GNGT1: variants seen among roughly 807,000 people sequenced by gnomAD.
GNGT1 encodes G protein subunit gamma transducin 1.
In GNGT1, 4 loss-of-function variants were observed where a neutral mutation model predicts 7.4. The ratio of observed to expected loss-of-function variants is 0.54; its 90% CI spans 0.27 to 1.24. The LOEUF is 1.24. Among genes scored for constraint, GNGT1 ranks in the 50% most tolerant of loss-of-function variants. The probability of loss-of-function intolerance (pLI) is 0.12; values close to 1 mark genes in which losing one functional copy is unlikely to be tolerated. For synonymous variants in GNGT1, 37 were observed against 30.2 expected, an observed-to-expected ratio of 1.23 and a Z score of -0.74; for missense variants, 95 against 82.4, an observed-to-expected ratio of 1.15 and a Z score of -0.59.
intron 2 of GNGT1, among the ~76,000 whole-genome samples, chr7:93,908,287 C>T (rs1794407910): frequency 6.6e-6 from 1 of 152,046 alleles, no homozygotes; most frequent in African/African-American, 2.4e-5. Context: ...TACATGTACC[C>T]TCTTAGTCTC....
chr7:93,907,014 G>A (rs567394402), intron 2 of GNGT1, among the ~76,000 whole-genome samples, 172 bp downstream of exon 2: 6,454 of 151,986 alleles, frequency 0.042, no homozygotes, highest in Middle Eastern at 0.082. Context: ...TCTTGATTTA[G>A]ATTCTAAATC....
intron 2 of GNGT1, among the ~76,000 whole-genome samples, chr7:93,909,228 T>C (rs745860362): frequency 1.1e-4 from 17 of 152,200 alleles, no homozygotes; most frequent in Non-Finnish European, 2.1e-4. Flanking sequence ...ACTATTTGAT[T>C]GTGCATCTTC....
intron 2 of GNGT1, among the ~76,000 whole-genome samples, chr7:93,908,115 G>A (rs185440527): frequency 6.6e-6 from 1 of 151,892 alleles, no homozygotes; most frequent in East Asian, 1.9e-4. Flanking sequence ...TTTTATTTTG[G>A]GTAAACATCG....
chr7:93,910,587 T>C (rs1236751995), intron 2 of GNGT1: 2 of 264,408 alleles, frequency 7.6e-6, no homozygotes, highest in African/African-American at 2.2e-5. Context: ...CAGCTGTTTT[T>C]CCTTTGTCTG....
chr7:93,910,771 CT>C lies in GNGT1; in HGVS notation c.97-14del. On this transcript the variant is annotated intron_variant, in intron 2 of 2. Transcript: ENST00000248572. ...CTGTTTTAAACCAAATGAGTCATCC[CT>C]TTTTCCTTCCCCTTAAGGTTTCCAA... 4 of 1,571,158 alleles carry C rather than the reference CT, an allele frequency of 2.5e-6. No individual in the cohort carries two copies. The highest frequency in any genetic ancestry group is 1.4e-5 in the African/African-American group (1 of 73,522).
chr7:93,910,133 T>C (rs1794439242), intron 2 of GNGT1: 1 of 152,210 alleles, frequency 6.6e-6, no homozygotes, highest in Non-Finnish European at 1.5e-5. Flanking sequence ...TACTAAATCA[T>C]TAAACAATAA....
Position 93,909,487 on chromosome 7 carries a change from C to G in GNGT1, c.97-1303C>G, listed in dbSNP as rs1036024352. ...CTTTCATTCTCATATCCTCAGATCC[C>G]AGCCAGGCACCTTCAAAACCAATCC... On this transcript the variant is annotated intron_variant, in intron 2 of 2. Coordinates refer to ENST00000248572, the MANE Select transcript of GNGT1 (RefSeq NM_021955.5). 4 of 702,098 alleles carry G rather than the reference C, an allele frequency of 5.7e-6. No homozygotes were observed. The African/African-American group carries it at 7.0e-5, about 12-fold the overall frequency. 43.5% of individuals were successfully genotyped at this position (702,098 alleles called of 1,614,324 possible).
intron 2 of GNGT1, chr7:93,909,842 A>AT: frequency 1.5e-5 from 2 of 129,916 alleles, no homozygotes; most frequent in Non-Finnish European, 3.1e-5. Flanking sequence ...TAAAGATTTC[A>AT]TTTGAAAAAA....
chr7:93,910,991 C>A lies in GNGT1; in HGVS notation c.*73C>A. 1 of 1,048,462 alleles carries A rather than the reference C, an allele frequency of 9.5e-7. No homozygotes were observed. The highest frequency in any genetic ancestry group is 1.9e-5 in the South Asian group (1 of 52,960). The allele number at this position is 1,048,462 out of a possible 1,614,324, so 64.9% of individuals were successfully genotyped here. Reference sequence around the variant, plus strand: ...AATGTTAATAACAATATGAATTTTTCTCATGCATACTATTACTACTAAGCA... The same window carrying A: ...AATGTTAATAACAATATGAATTTTTATCATGCATACTATTACTACTAAGCA... On this transcript the variant is annotated 3_prime_UTR_variant, in exon 3 of 3. Coordinates refer to ENST00000248572, the MANE Select transcript of GNGT1 (RefSeq NM_021955.5).
chr7:93,907,093 G>C (rs1043175928), intron 2 of GNGT1, among the ~76,000 whole-genome samples: 1 of 150,012 alleles, frequency 6.7e-6, no homozygotes, highest in African/African-American at 2.5e-5. Context: ...TGACCACAAA[G>C]ATAAGAATGC....
At chr7:93,909,144 A>G (rs1239852419) in intron 2 of GNGT1, among the ~76,000 whole-genome samples, 1 of 152,132 alleles carries the variant, frequency 6.6e-6, no homozygotes, top group Non-Finnish European at 1.5e-5. Context: ...AAGCTGATAG[A>G]TTTGCAATGA....
Position 93,906,632 on chromosome 7 carries a change from A to C in GNGT1, c.-24A>C. 1.4e-6 allele frequency: 1 copy of C among 695,446 alleles called. No individual in the cohort carries two copies. The highest frequency in any genetic ancestry group is 2.5e-6 in the Non-Finnish European group (1 of 392,768). 43.1% of individuals were successfully genotyped at this position (695,446 alleles called of 1,614,324 possible). A position where few individuals can be genotyped will look rare whatever the true frequency, so the allele number is the denominator to read the frequency against. The stretch of plus-strand genomic sequence containing the variant: ...GTGGGATATTTAAAATAAAACAAAG[A>C]ACAGTTTACTTTGTAAGTTAAGAGC... On this transcript the variant is annotated 5_prime_UTR_variant, in exon 1 of 3. Transcript: ENST00000248572.
At chr7:93,909,463 T>C in intron 2 of GNGT1, 2 of 702,108 alleles carry the variant, frequency 2.8e-6, no homozygotes, top group Non-Finnish European at 5.2e-6. Flanking sequence ...TTGTTGCTCC[T>C]TTCATTCTCA....
chr7:93,906,738 G>A lies in GNGT1; in HGVS notation c.-9G>A. ...CTGCTAACCTTCTACATCTTCAGCA[G>A]GCAAAAAGATGCCAGTAATCAATAT... is the stretch of plus-strand genomic sequence containing the variant. On this transcript the variant is annotated splice_region_variant and 5_prime_UTR_variant, in exon 2 of 3. Coordinates refer to ENST00000248572, the MANE Select transcript of GNGT1 (RefSeq NM_021955.5). 6.4e-7 allele frequency: 1 copy of A among 1,556,584 alleles called. No individual in the cohort carries two copies.
intron 2 of GNGT1, among the ~76,000 whole-genome samples, chr7:93,908,807 T>C (rs1198711579): frequency 6.6e-6 from 1 of 152,126 alleles, no homozygotes; most frequent in South Asian, 2.1e-4. Flanking sequence ...GTATGGTTAA[T>C]TGGATATACT....
chr7:93,906,746 G>T lies in GNGT1; in HGVS notation c.-1G>T, dbSNP rs778843372. 1 of 1,582,080 alleles carries T rather than the reference G, an allele frequency of 6.3e-7. No homozygotes were observed. The highest frequency in any genetic ancestry group is 1.1e-5 in the South Asian group (1 of 88,640). On this transcript the variant is annotated 5_prime_UTR_variant, in exon 2 of 3. Coordinates refer to ENST00000248572, the MANE Select transcript of GNGT1 (RefSeq NM_021955.5). ...CTTCTACATCTTCAGCAGGCAAAAA[G>T]ATGCCAGTAATCAATATTGAGGACC...
chr7:93,906,645 G>C lies in GNGT1; in HGVS notation c.-12+1G>C. ...AATAAAACAAAGAACAGTTTACTTT[G>C]TAAGTTAAGAGCTGAGGGAATTGTT... is the stretch of plus-strand genomic sequence containing the variant. On this transcript the variant is annotated splice_donor_variant, in intron 1 of 2. Coordinates refer to ENST00000248572, the MANE Select transcript of GNGT1 (RefSeq NM_021955.5). LOFTEE classifies it low-confidence loss of function (5UTR_SPLICE). The C allele has an allele frequency of 1.4e-6, 1 of 719,028 alleles. No homozygotes were observed. The highest frequency in any genetic ancestry group is 2.4e-6 in the Non-Finnish European group (1 of 408,264). 44.5% of individuals were successfully genotyped at this position (719,028 alleles called of 1,614,324 possible). A position where few individuals can be genotyped will look rare whatever the true frequency, so the allele number is the denominator to read the frequency against.
In GNGT1 at chr7:93,906,835, G is replaced by T; in HGVS notation, c.89G>T (p.Arg30Ile). The change falls in exon 2 of 3, where the codon AGA becomes ATA. Residue 30 changes from arginine to isoleucine, a missense_variant. Physicochemically the swap from Arg to Ile is moderately conservative, Grantham distance 97 (BLOSUM62 -3). Coordinates refer to ENST00000248572, the MANE Select transcript of GNGT1 (RefSeq NM_021955.5). ...CTCAAGAAAGAAGTGACACTGGAAA[G>T]AATGCTAGTAAGTTGCTGCTTTCTT... ...DQLKKEVTLERMLVSKCCEEV... is the reference protein window; with the variant it reads ...DQLKKEVTLEIMLVSKCCEEV... 1 of 1,576,786 alleles carries T rather than the reference G, an allele frequency of 6.3e-7. No homozygotes were observed. The highest frequency in any genetic ancestry group is 8.7e-7 in the Non-Finnish European group (1 of 1,154,120).
At chr7:93,907,426 A>G (rs905771216) in intron 2 of GNGT1, among the ~76,000 whole-genome samples, 2 of 152,166 alleles carry the variant, frequency 1.3e-5, no homozygotes, top group Non-Finnish European at 2.9e-5. Context: ...GGTCAGTAAT[A>G]CATAAGTACA....
Sources: allele counts gnomAD v4.1 joint callset (sites outside exome capture counted in the v4.1 genomes callset), GRCh38; gene constraint gnomAD v4.1.1; transcripts MANE v1.5; gene names NCBI Gene and HGNC (gene_info 2026-07-23, HGNC 2026-07-21).